Variants in SYTL3 observed in about 807,000 individuals in gnomAD.
The protein encoded by SYTL3 is synaptotagmin-like protein 3.
SYTL3 carries 88 observed loss-of-function variants against 82.1 expected under a neutral mutation model. The ratio of observed to expected loss-of-function variants is 1.07; its 90% CI spans 0.90 to 1.28. SYTL3 has a LOEUF of 1.28. Ranked by LOEUF, SYTL3 falls within the 50% of genes most tolerant of loss-of-function variation. The pLI, the probability that SYTL3 is intolerant of heterozygous loss-of-function variation, is 0.00. For missense variants in SYTL3, 831 were observed against 757.6 expected (o/e 1.10, Z -1.14); for synonymous variants, 311 against 289.4 (o/e 1.07, Z -0.76).
chr6:158,696,741 G>A (rs925126608), intron 6 of SYTL3, among the ~76,000 whole-genome samples: 6 of 151,772 alleles, frequency 4.0e-5, no homozygotes, highest in African/African-American at 1.5e-4. Flanking sequence ...AAAGAACAAA[G>A]CTGGAGGACT....
chr6:158,734,131 G>A (rs1785826662), intron 11 of SYTL3, among the ~76,000 whole-genome samples: 1 of 145,154 alleles, frequency 6.9e-6, no homozygotes, highest in African/African-American at 2.6e-5. Flanking sequence ...CACCCTTTCT[G>A]CAAAAAGTAA....
At chr6:158,742,228 C>A (rs1199524004) in intron 11 of SYTL3, among the ~76,000 whole-genome samples, 2 of 152,176 alleles carry the variant, frequency 1.3e-5, no homozygotes, top group African/African-American at 4.8e-5. Flanking sequence ...TATAACATAA[C>A]CACATTTATT....
chr6:158,682,507 C>G (rs1036232287), intron 5 of SYTL3, among the ~76,000 whole-genome samples: 3 of 151,038 alleles, frequency 2.0e-5, no homozygotes, highest in African/African-American at 7.3e-5. Context: ...CTACAGGTGC[C>G]CGCCACCATG....
chr6:158,657,202 G>C (rs1157561604), intron 2 of SYTL3, among the ~76,000 whole-genome samples: 5 of 152,124 alleles, frequency 3.3e-5, no homozygotes, highest in South Asian at 2.1e-4. Context: ...GAGGCGGACA[G>C]ATCAACTGAG....
At chr6:158,693,855 C>CTTTTTTTTTTTTTTTT (rs575358067) in intron 6 of SYTL3, among the ~76,000 whole-genome samples, 1 of 96,866 alleles carries the variant, frequency 1.0e-5, no homozygotes, top group African/African-American at 5.4e-5. Flanking sequence ...TTTTTCTTTT[C>CTTTTTTTTTTTTTTTT]TTTTTTTTTT....
At position 158,663,252 on chromosome 6, in the gene SYTL3, A is replaced by G; in HGVS notation, c.-17A>G. 6.2e-7 allele frequency: 1 copy of G among 1,613,708 alleles called. No individual in the cohort carries two copies. The highest frequency in any genetic ancestry group is 8.5e-7 in the Non-Finnish European group (1 of 1,179,624). On this transcript the variant is annotated 5_prime_UTR_variant, in exon 4 of 18. Transcript: ENST00000611299. ...AGTGAAGCTCTTCCAACCTGGGTCA[A>G]CGAAAACGGAGAAGAAATGGCCCAA...
intron 2 of SYTL3, among the ~76,000 whole-genome samples, chr6:158,655,198 A>G (rs969311836): frequency 2.0e-5 from 3 of 152,188 alleles, no homozygotes; most frequent in Non-Finnish European, 4.4e-5. Context: ...TTAAATTCCA[A>G]AATGACTCAG....
intron 15 of SYTL3, 29 bp from the exon 16 acceptor site, chr6:158,762,047 T>G (rs971949943): frequency 8.4e-6 from 13 of 1,540,728 alleles, no homozygotes; most frequent in Non-Finnish European, 9.9e-6. Flanking sequence ...GAGACATGGT[T>G]TGACAGTGAA....
At chr6:158,692,568 G>A (rs1232029881) in intron 6 of SYTL3, among the ~76,000 whole-genome samples, 2 of 151,980 alleles carry the variant, frequency 1.3e-5, no homozygotes, top group Non-Finnish European at 2.9e-5. Context: ...GACATGATCC[G>A]TCCCATCACA....
At chr6:158,682,670 A>G (rs540427539) in intron 5 of SYTL3, among the ~76,000 whole-genome samples, 112 of 152,256 alleles carry the variant, frequency 7.4e-4, no homozygotes, top group Admixed American at 1.3e-3. Context: ...ATATTCACAT[A>G]TTATACATTG....
chr6:158,680,997 A>G (rs974084088), intron 5 of SYTL3, among the ~76,000 whole-genome samples: 1 of 152,204 alleles, frequency 6.6e-6, no homozygotes, highest in African/African-American at 2.4e-5. Context: ...TTAATTTTCT[A>G]AAAAATCCAC....
intron 5 of SYTL3, among the ~76,000 whole-genome samples, chr6:158,680,097 T>G (rs1778492903): frequency 6.6e-6 from 1 of 152,234 alleles, no homozygotes; most frequent in South Asian, 2.1e-4. Context: ...ATTTGCTTTC[T>G]GTCCCCTCCT....
At chr6:158,658,930 A>G (rs1277170423) in intron 2 of SYTL3, among the ~76,000 whole-genome samples, 1 of 152,114 alleles carries the variant, frequency 6.6e-6, no homozygotes, top group Non-Finnish European at 1.5e-5. Context: ...ACTCCATCTC[A>G]AAAAAAGAGG....
intron 11 of SYTL3, among the ~76,000 whole-genome samples, chr6:158,741,221 C>T (rs1786885559): frequency 1.3e-5 from 2 of 152,118 alleles, no homozygotes; most frequent in Non-Finnish European, 2.9e-5. Flanking sequence ...AGGTGTGCAC[C>T]ACCGCGCTCA....
chr6:158,677,342 G>A (rs1040213407), intron 5 of SYTL3, among the ~76,000 whole-genome samples: 47 of 152,130 alleles, frequency 3.1e-4, no homozygotes, highest in African/African-American at 1.0e-3. Flanking sequence ...TCACTCATAG[G>A]TGGGAATTGA....
At chr6:158,743,133 T>G (rs535531755) in intron 11 of SYTL3, among the ~76,000 whole-genome samples, 1 of 152,230 alleles carries the variant, frequency 6.6e-6, no homozygotes, top group Middle Eastern at 3.4e-3. Flanking sequence ...ATCTTGGCCG[T>G]CCAGCCCTTG....
intron 11 of SYTL3, among the ~76,000 whole-genome samples, chr6:158,729,862 G>A (rs981627454): frequency 2.1e-5 from 3 of 145,734 alleles, no homozygotes; most frequent in Non-Finnish European, 3.0e-5. Flanking sequence ...TACTGCACCC[G>A]GCCAACGTTT....
intron 9 of SYTL3, 22 bp downstream of exon 9, chr6:158,713,900 T>G: frequency 9.1e-6 from 14 of 1,533,356 alleles, no homozygotes; most frequent in Non-Finnish European, 1.2e-5. Context: ...CTTCATGATG[T>G]GTTTTCCCAC....
Position 158,702,152 on chromosome 6 carries a change from T to A in SYTL3, c.395-5078T>A, listed in dbSNP as rs559929330. On this transcript the variant is annotated intron_variant, in intron 6 of 17. Coordinates refer to ENST00000611299, the MANE Select transcript of SYTL3 (RefSeq NM_001242394.2). ...CACATGCCACCATGCCCAGCTCATT[T>A]AAAATTTTTTTTGTAGAAAAAAAAT... 2.4e-3 allele frequency among the ~76,000 whole-genome samples: 363 copies of A among 151,910 alleles called. 2 individuals are homozygous for A. The highest frequency in any genetic ancestry group is 8.5e-3 in the African/African-American group (350 of 41,404).
Sources: gnomAD v4.1 joint callset for allele counts (sites outside exome capture counted in the v4.1 genomes callset) on GRCh38, gnomAD v4.1.1 for gene constraint, MANE v1.5 for transcripts, NCBI Gene and HGNC (gene_info 2026-07-23, HGNC 2026-07-21) for gene names.